GPR20: variants seen among roughly 807,000 people sequenced by gnomAD.
GPR20 encodes G protein-coupled receptor 20.
For missense variants in GPR20, 494 were observed against 527.4 expected (o/e 0.94, Z 0.62); for synonymous variants, 241 against 241.9 (o/e 1.00, Z 0.04).
chr8:141,358,695 G>A (rs1237461353), intron 1 of GPR20, among the ~76,000 whole-genome samples: 1 of 152,246 alleles, frequency 6.6e-6, no homozygotes, highest in Non-Finnish European at 1.5e-5. Flanking sequence ...AAGGGAATTA[G>A]GCTGTCCAGT....
intron 1 of GPR20, among the ~76,000 whole-genome samples, chr8:141,360,662 C>T (rs557534668): frequency 2.6e-5 from 4 of 152,294 alleles, no homozygotes; most frequent in East Asian, 1.9e-4. Context: ...GGCTCCCTGG[C>T]GAGTGCCTGG....
rs201885939 is a variant in GPR20, at chr8:141,357,558, A to G, written c.366T>C (p.Cys122=). 4.7e-5 allele frequency: 76 copies of G among 1,613,858 alleles called. No individual in the cohort carries two copies. The highest frequency in any genetic ancestry group is 6.4e-5 in the Non-Finnish European group (76 of 1,180,010). The change falls in exon 2 of 2, where the codon TGT becomes TGC. Residue 122 remains cysteine, a synonymous_variant. Transcript: ENST00000377741. ...VYYGARGCLR[C]AFPHVLGYFL... ...AGTAACCGAGGACGTGCGGGAAGGCACAGCGCAGGCAGCCCCTGGCGCCGT... is the reference window on the plus strand; with the variant it reads ...AGTAACCGAGGACGTGCGGGAAGGCGCAGCGCAGGCAGCCCCTGGCGCCGT...
intron 1 of GPR20, 146 bp from the exon 2 acceptor site, chr8:141,358,093 T>A: frequency 1.7e-6 from 1 of 590,860 alleles, no homozygotes; most frequent in Non-Finnish European, 3.0e-6. Flanking sequence ...CTCAAATGCC[T>A]GCTCCCTTGG....
intron 1 of GPR20, among the ~76,000 whole-genome samples, chr8:141,366,405 C>G (rs1831814199): frequency 6.6e-6 from 1 of 152,144 alleles, no homozygotes; most frequent in South Asian, 2.1e-4. Context: ...TCGCCAGCTG[C>G]TCCACGTCTG....
At chr8:141,362,212 A>G (rs1435529484) in intron 1 of GPR20, among the ~76,000 whole-genome samples, 1 of 152,094 alleles carries the variant, frequency 6.6e-6, no homozygotes, top group Non-Finnish European at 1.5e-5. Context: ...CGGCTTATTC[A>G]TGCCCATTTT....
rs759203884 is a variant in GPR20 at position 141,357,727 on chromosome 8, G to T, written c.197C>A (p.Ala66Glu). The T allele has an allele frequency of 6.2e-7, 1 of 1,613,224 alleles. No individual in the cohort carries two copies. The highest frequency in any genetic ancestry group is 1.3e-5 in the African/African-American group (1 of 74,916). ...LMAVHGAIFLAGLVLNGLALY... is the reference protein window; with the variant it reads ...LMAVHGAIFLEGLVLNGLALY... ...CGCCAGCCCGTTGAGCACCAGCCCT[G>T]CCAGGAAGATGGCTCCGTGCACCGC... The change falls in exon 2 of 2, where the codon GCA becomes GAA. Residue 66 changes from alanine to glutamate, a missense_variant. Physicochemically the swap from Ala to Glu is moderately radical, Grantham distance 107 (BLOSUM62 -1). Transcript: ENST00000377741.
In GPR20 at chr8:141,357,811, A is replaced by T; in HGVS notation, c.113T>A (p.Phe38Tyr). 5 of 1,613,288 alleles carry T rather than the reference A, an allele frequency of 3.1e-6. No individual in the cohort carries two copies. Among genetic ancestry groups the T allele is most frequent in the Non-Finnish European group, 4.2e-6 (5 of 1,179,884 alleles). Residue 38 changes from phenylalanine (F) to tyrosine (Y), a missense_variant, in exon 2 of 2, where the codon TTT becomes TAT. By Grantham distance (22) the Phe-to-Tyr change is conservative (BLOSUM62 3). Coordinates refer to ENST00000377741, the MANE Select transcript of GPR20 (RefSeq NM_005293.3). ...ATGCAGCTCCTCGTCCAGCCGGGCA[A>T]ACAGGTGGAACAGGGGCACCTCCAG... Reference protein sequence around the residue: ...SGLEVPLFHLFARLDEELHGT... With the variant: ...SGLEVPLFHLYARLDEELHGT...
rs1563705300 is a variant in GPR20, at chr8:141,357,699, C to A, written c.225G>T (p.Leu75=). ...CCCGGGTGCGGCAGCAGAAGACGTA[C>A]AGCGCCAGCCCGTTGAGCACCAGCC... is the stretch of plus-strand genomic sequence containing the variant. ...LAGLVLNGLA[L]YVFCCRTRAK... Residue 75 remains leucine, a synonymous_variant, in exon 2 of 2, where the codon CTG becomes CTT. Transcript: ENST00000377741. 1 of 1,613,554 alleles carries A rather than the reference C, an allele frequency of 6.2e-7. No homozygotes were observed. Among genetic ancestry groups the A allele is most frequent in the Admixed American group, 1.7e-5 (1 of 60,028 alleles).
At position 141,357,438 on chromosome 8, in the gene GPR20, G is replaced by A; in HGVS notation, c.486C>T (p.Arg162=). 1 of 1,604,842 alleles carries A rather than the reference G, an allele frequency of 6.2e-7. No individual in the cohort carries two copies. The highest frequency in any genetic ancestry group is 8.5e-7 in the Non-Finnish European group (1 of 1,177,136). ...ACACGGCCCTGGCACAGGCAGGCTG[G>A]CGGCAGCGGCGGGAGCCTTCGGGCC... ...IVRPEGSRRC[R]QPACARAVCA... The change falls in exon 2 of 2, where the codon CGC becomes CGT. Residue 162 remains arginine, a synonymous_variant. Coordinates refer to ENST00000377741, the MANE Select transcript of GPR20 (RefSeq NM_005293.3).
rs1831663781 is a variant in GPR20 at position 141,357,400 on chromosome 8, C to A, written c.524G>T (p.Trp175Leu). The A allele has an allele frequency of 6.3e-7, 1 of 1,594,578 alleles. No homozygotes were observed. Among genetic ancestry groups the A allele is most frequent in the Admixed American group, 1.8e-5 (1 of 57,050 alleles). The stretch of plus-strand genomic sequence containing the variant: ...CAGGGTGACGGCACCGGCGGCCAGC[C>A]ACACGAAGGCGCACACGGCCCTGGC... ...ACARAVCAFV[W>L]LAAGAVTLSV... is the part of the protein sequence containing the mutation. The change falls in exon 2 of 2, where the codon TGG (tryptophan) becomes TTG (leucine). Residue 175 changes from tryptophan to leucine, a missense_variant. Physicochemically the swap from Trp to Leu is moderately conservative, Grantham distance 61. Transcript: ENST00000377741.
intron 1 of GPR20, among the ~76,000 whole-genome samples, chr8:141,364,685 C>T (rs1333226227): frequency 6.6e-6 from 1 of 152,218 alleles, no homozygotes; most frequent in African/African-American, 2.4e-5. Flanking sequence ...GACTGCGGCT[C>T]TAACGGAAAC....
At chr8:141,359,607 C>T (rs1423357250) in intron 1 of GPR20, among the ~76,000 whole-genome samples, 1 of 152,210 alleles carries the variant, frequency 6.6e-6, no homozygotes, top group South Asian at 2.1e-4. Flanking sequence ...CCCTGACACG[C>T]GGGCATTGAT....
Position 141,357,636 on chromosome 8 carries a change from C to CACCA in GPR20, c.284_287dup (p.Val97GlyfsTer224). On this transcript the variant is annotated frameshift_variant, in exon 2 of 2. Coordinates refer to ENST00000377741, the MANE Select transcript of GPR20 (RefSeq NM_005293.3). LOFTEE classifies it low-confidence loss of function (END_TRUNC). ...ACAGCCCTACCAGTAGATCGGTCAC[C>CACCA]ACCAGGTTGATGGTGTAGATGACTG... The CACCA allele has an allele frequency of 6.2e-7, 1 of 1,614,014 alleles. No homozygotes were observed.
chr8:141,359,462 C>T (rs1187582106), intron 1 of GPR20, among the ~76,000 whole-genome samples: 1 of 152,238 alleles, frequency 6.6e-6, no homozygotes, highest in East Asian at 1.9e-4. Context: ...TGGGTGCGTG[C>T]TACCCTGGAG....
chr8:141,364,032 G>A (rs1831778555), intron 1 of GPR20, among the ~76,000 whole-genome samples: 2 of 152,250 alleles, frequency 1.3e-5, no homozygotes, highest in African/African-American at 2.4e-5. Context: ...GGCCCAGAGG[G>A]GTGAGTGGTG....
intron 1 of GPR20, among the ~76,000 whole-genome samples, chr8:141,360,216 T>C (rs1831712676): frequency 6.6e-6 from 1 of 152,218 alleles, no homozygotes; most frequent in Non-Finnish European, 1.5e-5. Flanking sequence ...AAGCATGCTC[T>C]GATTCCCCGC....
chr8:141,361,313 C>T (rs1586510234), intron 1 of GPR20, among the ~76,000 whole-genome samples: 1 of 152,328 alleles, frequency 6.6e-6, no homozygotes, highest in East Asian at 1.9e-4. Flanking sequence ...GAGTGGAGAC[C>T]CAGCAGGGTA....
intron 1 of GPR20, among the ~76,000 whole-genome samples, chr8:141,364,397 G>T (rs1360611138): frequency 1.3e-5 from 2 of 152,204 alleles, no homozygotes; most frequent in African/African-American, 4.8e-5. Flanking sequence ...TGATAAGTCT[G>T]AGCCTCCGTT....
intron 1 of GPR20, among the ~76,000 whole-genome samples, chr8:141,362,649 C>T (rs1007229750): frequency 4.6e-5 from 7 of 152,238 alleles, no homozygotes; most frequent in Admixed American, 4.6e-4. Context: ...GCCCCATCGT[C>T]ACTACCCATG....
Sources: gnomAD v4.1 joint callset for allele counts (sites outside exome capture counted in the v4.1 genomes callset) on GRCh38, gnomAD v4.1.1 for gene constraint, MANE v1.5 for transcripts, NCBI Gene and HGNC (gene_info 2026-07-23, HGNC 2026-07-21) for gene names.